PXN: variants seen among roughly 807,000 people sequenced by gnomAD.
PXN encodes paxillin, also known as testicular tissue protein Li 134.
Under a neutral mutation model 103.6 loss-of-function variants are expected in PXN, and 61 were observed. The ratio of observed to expected loss-of-function variants is 0.59; its 90% confidence interval spans 0.48 to 0.73. The LOEUF is 0.73. PXN is among the 30% of genes least tolerant of loss of function. The probability of loss-of-function intolerance (pLI) is 0.00; values close to 1 mark genes in which losing one functional copy is unlikely to be tolerated. For missense variants in PXN, 1,274 were observed against 1,460.3 expected, an observed-to-expected ratio of 0.87 and a Z score of 2.08; for synonymous variants, 562 against 607.8, an observed-to-expected ratio of 0.92 and a Z score of 1.11.
At chr12:120,246,320 A>T (rs746077708) in intron 1 of PXN, among the ~76,000 whole-genome samples, 3 of 151,866 alleles carry the variant, frequency 2.0e-5, no homozygotes, top group Admixed American at 6.6e-5. Flanking sequence ...TGAGGTCAGG[A>T]GTTCGAGTCC....
intron 1 of PXN, among the ~76,000 whole-genome samples, chr12:120,239,322 G>T (rs1260342054): frequency 6.6e-6 from 1 of 152,180 alleles, no homozygotes; most frequent in Non-Finnish European, 1.5e-5. Context: ...GGTGGCTCAC[G>T]CCTATAATCC....
chr12:120,220,132 G>GATGAGGGGA lies in PXN; in HGVS notation c.832-50_832-42dup. The GATGAGGGGA allele has an allele frequency of 1.2e-6, 1 of 815,524 alleles. No homozygotes were observed. The highest frequency in any genetic ancestry group is 1.9e-5 in the South Asian group (1 of 53,072). 50.5% of individuals were successfully genotyped at this position (815,524 alleles called of 1,614,324 possible). ...ATGCAGAGGGGAGAGGAGAGAGAGA[G>GATGAGGGGA]ATGAGGGGAGTGAGGACGGCTGCAC... On this transcript the variant is annotated intron_variant, in intron 6 of 14. Transcript: ENST00000637617. This position sits in a 1 kb window ranked among gnomAD's most constrained non-coding sequence, Gnocchi z 6.1.
At position 120,217,112 on chromosome 12, in the gene PXN, C is replaced by T. The variant is rs552932668; in HGVS notation, c.1721G>A (p.Arg574Gln). Residue 574 changes from arginine (R) to glutamine (Q), a missense_variant, in exon 8 of 15, where the codon CGA (arginine) becomes CAA (glutamine). Coordinates refer to ENST00000637617, the MANE Select transcript of PXN (RefSeq NM_001385981.1). The surrounding 1 kb of genome is among the most constrained non-coding windows in gnomAD (Gnocchi z 4.1). ...TERISTSGQI[R>Q]SVIRRSWESG... is the part of the protein sequence containing the mutation. ...CTCCCAGCTCCTCCTGATCACAGAT[C>T]GGATCTAGGGGGAGGGGGAGGGGAG... 3.3e-5 allele frequency: 53 copies of T among 1,584,068 alleles called. No individual in the cohort carries two copies. Among genetic ancestry groups the T allele is most frequent in the African/African-American group, 1.6e-4 (12 of 74,814 alleles).
chr12:120,262,133 T>G (rs2136732148), intron 1 of PXN, among the ~76,000 whole-genome samples: 1 of 152,118 alleles, frequency 6.6e-6, no homozygotes, highest in East Asian at 1.9e-4. Flanking sequence ...GCTCCATAGC[T>G]CCCAATGCCC....
At position 120,216,491 on chromosome 12, in the gene PXN, CTG is replaced by C. The variant is rs1883056554; in HGVS notation, c.2081_2082del (p.Thr694ArgfsTer40). The C allele has an allele frequency of 7.2e-7, 1 of 1,385,110 alleles. No homozygotes were observed. The highest frequency in any genetic ancestry group is 3.6e-5 in the Admixed American group (1 of 27,992). 85.8% of individuals were successfully genotyped at this position (1,385,110 alleles called of 1,614,324 possible). On this transcript the variant is annotated frameshift_variant, in exon 9 of 15. Coordinates refer to ENST00000637617, the MANE Select transcript of PXN (RefSeq NM_001385981.1). LOFTEE classifies it high-confidence loss of function. The surrounding 1 kb of genome is among the most constrained non-coding windows in gnomAD (Gnocchi z 5.1). ...SPSVPLLQHR[T>X]DAAASSSSPL... is the part of the protein sequence containing the mutation. ...GGAGAAGAGCTGCTGGCCGCGGCGT[CTG>C]TGCGATGCTGGAGCAAAGGGACAGA...
In PXN at chr12:120,216,183, T is replaced by TGTGTGTGTGCAC; in HGVS notation, c.2301+78_2301+89dup. On this transcript the variant is annotated intron_variant, in intron 9 of 14. Transcript: ENST00000637617. The surrounding 1 kb of genome is among the most constrained non-coding windows in gnomAD (Gnocchi z 5.1). ...TGGAGGGATGGAGGGTATCTGTGTA[T>TGTGTGTGTGCAC]GTGTGTGTGCACGTGTGTGTGTGCA... is the stretch of plus-strand genomic sequence containing the variant. 7.8e-7 allele frequency: 1 copy of TGTGTGTGTGCAC among 1,274,824 alleles called. No individual in the cohort carries two copies. Among genetic ancestry groups the TGTGTGTGTGCAC allele is most frequent in the Non-Finnish European group, 9.9e-7 (1 of 1,013,558 alleles). The allele number at this position is 1,274,824 out of a possible 1,614,324, so 79.0% of individuals were successfully genotyped here. A position where few individuals can be genotyped will look rare whatever the true frequency, so the allele number is the denominator to read the frequency against.
chr12:120,239,417 C>T (rs1479794823), intron 1 of PXN, among the ~76,000 whole-genome samples: 1 of 152,166 alleles, frequency 6.6e-6, no homozygotes, highest in East Asian at 1.9e-4. Flanking sequence ...CCCGTCTCTA[C>T]TGAAAATACA....
chr12:120,251,752 G>A (rs543601224), intron 1 of PXN, among the ~76,000 whole-genome samples: 2 of 152,316 alleles, frequency 1.3e-5, no homozygotes, highest in East Asian at 1.9e-4. Context: ...GGGAGGCAGA[G>A]ACTGCAGTGA....
intron 1 of PXN, among the ~76,000 whole-genome samples, chr12:120,262,356 T>C (rs1266473711): frequency 6.6e-6 from 1 of 152,206 alleles, no homozygotes; most frequent in Non-Finnish European, 1.5e-5. Flanking sequence ...TTTCCTGGGA[T>C]GGGCCCCTAG....
In PXN at chr12:120,214,033, C is replaced by T. The variant is rs781333003; in HGVS notation, c.2831-43G>A. On this transcript the variant is annotated intron_variant, in intron 13 of 14. Coordinates refer to ENST00000637617, the MANE Select transcript of PXN (RefSeq NM_001385981.1). The surrounding 1 kb of genome is among the most constrained non-coding windows in gnomAD (Gnocchi z 5.0). ...TGGAGGCACAGTTCATTCCGGCTTC[C>T]AGAAGTGGAGCCACTCTGACTCCAA... The T allele has an allele frequency of 6.2e-7, 1 of 1,600,718 alleles. No individual in the cohort carries two copies. The highest frequency in any genetic ancestry group is 2.3e-5 in the East Asian group (1 of 44,392).
chr12:120,255,100 C>A (rs1032231448), intron 1 of PXN, among the ~76,000 whole-genome samples: 1 of 152,040 alleles, frequency 6.6e-6, no homozygotes, highest in Admixed American at 6.6e-5. Flanking sequence ...ATAGAATTCA[C>A]GTCAGGGGTG....
At chr12:120,246,905 G>A (rs899279403) in intron 1 of PXN, among the ~76,000 whole-genome samples, 3 of 151,598 alleles carry the variant, frequency 2.0e-5, no homozygotes, top group Non-Finnish European at 4.4e-5. Context: ...GCATATGCCT[G>A]TAATTCCAGC....
chr12:120,243,449 G>T (rs1365456192), intron 1 of PXN, among the ~76,000 whole-genome samples: 1 of 152,166 alleles, frequency 6.6e-6, no homozygotes, highest in African/African-American at 2.4e-5. Context: ...AAGCATTTTG[G>T]GAGGCCAAGG....
Position 120,223,802 on chromosome 12 carries a change from C to T in PXN, c.272G>A (p.Ser91Asn). 8 of 1,609,460 alleles carry T rather than the reference C, an allele frequency of 5.0e-6. No homozygotes were observed. Among genetic ancestry groups the T allele is most frequent in the African/African-American group, 1.3e-5 (1 of 74,964 alleles). ...PQSSSPVYGS[S>N]AKTSSVSNPQ... ...GTTGGAGACACTGGAAGTTTTGGCA[C>T]TGGAGCCGTACACAGGTGATGAGGA... Residue 91 changes from serine to asparagine, a missense_variant, in exon 3 of 15, where the codon AGT becomes AAT. By Grantham distance (46) the Ser-to-Asn change is conservative. This residue lies in a region of PXN where 1,178 missense variants were observed against 1,309.0 expected (regional missense o/e 0.90). Transcript: ENST00000637617.
chr12:120,259,733 C>A lies in PXN; in HGVS notation c.13+5884G>T, dbSNP rs139930161. Among the ~76,000 whole-genome samples, 276 of 152,326 alleles carry A rather than the reference C, an allele frequency of 1.8e-3. 1 individual carries two copies. Among genetic ancestry groups the A allele is most frequent in the African/African-American group, 6.0e-3 (249 of 41,584 alleles). ...TCAAGGCCAGATATGAGACTCCCAA[C>A]AAGACCCAGACTGCAAAAGGCAGAG... is the stretch of plus-strand genomic sequence containing the variant. On this transcript the variant is annotated intron_variant, in intron 1 of 14. Transcript: ENST00000637617.
At chr12:120,240,229 G>T (rs1406775500) in intron 1 of PXN, among the ~76,000 whole-genome samples, 1 of 152,130 alleles carries the variant, frequency 6.6e-6, no homozygotes, top group East Asian at 1.9e-4. Flanking sequence ...CAAGCACACA[G>T]CCATGCATAT....
chr12:120,227,213 A>C, intron 1 of PXN: 1 of 951,550 alleles, frequency 1.1e-6, no homozygotes, highest in Non-Finnish European at 1.3e-6. Flanking sequence ...AAAAAATTTA[A>C]AAATTAGCTG....
Position 120,212,728 on chromosome 12 carries a change from C to T in PXN, c.2980-148G>A. 1.3e-6 allele frequency: 1 copy of T among 796,030 alleles called. No homozygotes were observed. The highest frequency in any genetic ancestry group is 2.5e-5 in the South Asian group (1 of 40,384). The allele number at this position is 796,030 out of a possible 1,614,324, so 49.3% of individuals were successfully genotyped here. On this transcript the variant is annotated intron_variant, in intron 14 of 14. Transcript: ENST00000637617. The surrounding 1 kb of genome is among the most constrained non-coding windows in gnomAD (Gnocchi z 7.2). Reference sequence around the variant, plus strand: ...CATGTGCCGTGTTGTCCTAAACGCTCATTTTTCATTTTTATTTTATTAAAT... The same window carrying T: ...CATGTGCCGTGTTGTCCTAAACGCTTATTTTTCATTTTTATTTTATTAAAT...
At chr12:120,260,165 GAGACACTCCCCCCA>G (rs1275900532) in intron 1 of PXN, among the ~76,000 whole-genome samples, 1 of 152,160 alleles carries the variant, frequency 6.6e-6, no homozygotes, top group Non-Finnish European at 1.5e-5. Flanking sequence ...CCTGGAACAG[GAGACACTCCCCCCA>G]GGACCCTGCA....
Sources: gnomAD v4.1 joint callset for allele counts (sites outside exome capture counted in the v4.1 genomes callset) on GRCh38, gnomAD v4.1.1 for gene constraint, gnomAD v4.1.1 regional missense constraint, Gnocchi (gnomAD v3.1) non-coding constraint, MANE v1.5 for transcripts, NCBI Gene and HGNC (gene_info 2026-07-23, HGNC 2026-07-21) for gene names.